The following SH2D4A variants were observed in gnomAD, a reference collection of about 807,000 sequenced individuals.
The protein encoded by SH2D4A is SH2 domain containing 4A, also known as SH2 domain-containing protein 4A.
SH2D4A carries 70 observed loss-of-function variants against 64.7 expected under a neutral mutation model. That is an observed-to-expected ratio of 1.08 (90% CI 0.89 to 1.32). The LOEUF is 1.32. Ranked by LOEUF, SH2D4A falls within the 40% of genes most tolerant of loss-of-function variation. The probability of loss-of-function intolerance (pLI) is 0.00; values close to 1 mark genes in which losing one functional copy is unlikely to be tolerated. For missense variants in SH2D4A, 706 were observed against 540.1 expected, an observed-to-expected ratio of 1.31 and a Z score of -3.04; for synonymous variants, 268 against 200.7, an observed-to-expected ratio of 1.34 and a Z score of -2.83.
intron 4 of SH2D4A, among the ~76,000 whole-genome samples, chr8:19,336,124 A>G (rs985590024): frequency 1.3e-5 from 2 of 152,188 alleles, no homozygotes; most frequent in African/African-American, 4.8e-5. Flanking sequence ...TCACAATAAC[A>G]TGAACTAGAG....
chr8:19,380,157 A>G (rs1563210391), intron 8 of SH2D4A, among the ~76,000 whole-genome samples: 9 of 152,020 alleles, frequency 5.9e-5, no homozygotes. Flanking sequence ...TCATTTGCTT[A>G]TTGGCCATTT....
At chr8:19,343,250 C>G (rs1174889072) in intron 4 of SH2D4A, among the ~76,000 whole-genome samples, 1 of 152,028 alleles carries the variant, frequency 6.6e-6, no homozygotes, top group Non-Finnish European at 1.5e-5. Context: ...CATAGCAAGA[C>G]ACTGTCTCTA....
rs2053531334 is a variant in SH2D4A at position 19,393,463 on chromosome 8, C to T, written c.1194C>T (p.Ala398=). 3 of 1,614,238 alleles carry T rather than the reference C, an allele frequency of 1.9e-6. No individual in the cohort carries two copies. The highest frequency in any genetic ancestry group is 1.7e-6 in the Non-Finnish European group (2 of 1,180,038). The change falls in exon 9 of 10, where the codon GCC becomes GCT. Residue 398 remains alanine (A), a synonymous_variant. Transcript: ENST00000265807. ...GCTGTAAACATTTCCTCATCGATGC[C>T]TCTGCAGACGCCTACAGCTTCCTGG... ...EDGCKHFLID[A]SADAYSFLGV... is the part of the protein sequence containing the mutation.
intron 8 of SH2D4A, among the ~76,000 whole-genome samples, chr8:19,384,438 C>G (rs2053349384): frequency 6.6e-6 from 1 of 152,208 alleles, no homozygotes; most frequent in Non-Finnish European, 1.5e-5. Context: ...TTTATCTCTT[C>G]TTATCCCATT....
At chr8:19,374,361 G>C (rs892384700) in intron 8 of SH2D4A, among the ~76,000 whole-genome samples, 1 of 152,132 alleles carries the variant, frequency 6.6e-6, no homozygotes, top group African/African-American at 2.4e-5. Flanking sequence ...TCTTGCCTTA[G>C]TTGACTTCCA....
At chr8:19,394,497 A>G in intron 9 of SH2D4A, 53 bp from the exon 10 acceptor site, 1 of 1,249,870 alleles carries the variant, frequency 8.0e-7, no homozygotes, top group Non-Finnish European at 1.1e-6. Flanking sequence ...GGAAGTAGGA[A>G]GAGCATGTGG....
chr8:19,314,013 C>A, intron 1 of SH2D4A, 190 bp downstream of exon 1: 1 of 1,144,850 alleles, frequency 8.7e-7, no homozygotes, highest in Non-Finnish European at 1.1e-6. Flanking sequence ...GGTTGGGCGG[C>A]GAGAGCGGCC....
At chr8:19,336,097 A>C (rs1268042670) in intron 4 of SH2D4A, among the ~76,000 whole-genome samples, 1 of 152,176 alleles carries the variant, frequency 6.6e-6, no homozygotes, top group Non-Finnish European at 1.5e-5. Context: ...CACACTGCTG[A>C]GTGTCTCATG....
chr8:19,364,933 T>C (rs939574998), intron 7 of SH2D4A, among the ~76,000 whole-genome samples: 1 of 152,218 alleles, frequency 6.6e-6, no homozygotes, highest in African/African-American at 2.4e-5. Flanking sequence ...AAAAGTGCAA[T>C]GATGCTATTA....
Position 19,313,882 on chromosome 8 carries a change from G to T in SH2D4A, c.-205+59G>T, listed in dbSNP as rs2052038251. Reference sequence around the variant, plus strand: ...GAGTGTGCGTGGGGTGGGAGTAGGGGGAAGGGAATTTCCTCGGAGGTTGCA... The same window carrying T: ...GAGTGTGCGTGGGGTGGGAGTAGGGTGAAGGGAATTTCCTCGGAGGTTGCA... On this transcript the variant is annotated intron_variant, in intron 1 of 9. Coordinates refer to ENST00000265807, the MANE Select transcript of SH2D4A (RefSeq NM_022071.4). 7.2e-6 allele frequency: 10 copies of T among 1,386,410 alleles called. No individual in the cohort carries two copies. The South Asian group carries it at 1.3e-4, about 17-fold the overall frequency. The allele number at this position is 1,386,410 out of a possible 1,614,324, so 85.9% of individuals were successfully genotyped here.
chr8:19,321,199 A>G (rs1302616021), intron 2 of SH2D4A, among the ~76,000 whole-genome samples: 1 of 67,998 alleles, frequency 1.5e-5, no homozygotes, highest in Non-Finnish European at 2.8e-5. Context: ...GACTTAGAGA[A>G]GTTCATTTTT....
At chr8:19,380,687 A>G (rs944997277) in intron 8 of SH2D4A, among the ~76,000 whole-genome samples, 3 of 152,310 alleles carry the variant, frequency 2.0e-5, no homozygotes, top group African/African-American at 4.8e-5. Context: ...GACCATGTCT[A>G]TGCATTTTTA....
At chr8:19,359,279 G>A (rs2052841904) in intron 5 of SH2D4A, among the ~76,000 whole-genome samples, 1 of 152,124 alleles carries the variant, frequency 6.6e-6, no homozygotes, top group Admixed American at 6.5e-5. Flanking sequence ...GCAGATTAAA[G>A]GAGTAGATTT....
intron 2 of SH2D4A, among the ~76,000 whole-genome samples, chr8:19,330,189 C>T (rs566066837): frequency 1.3e-5 from 2 of 152,184 alleles, no homozygotes; most frequent in African/African-American, 4.8e-5. Context: ...GTCATCCCCT[C>T]ATCTGATGTG....
intron 4 of SH2D4A, among the ~76,000 whole-genome samples, chr8:19,352,740 C>A (rs1585171980): frequency 6.6e-6 from 1 of 152,148 alleles, no homozygotes; most frequent in African/African-American, 2.4e-5. Flanking sequence ...GGTGTGGCGG[C>A]TCACACCTAT....
At chr8:19,390,023 T>G (rs1303458526) in intron 8 of SH2D4A, among the ~76,000 whole-genome samples, 1 of 152,208 alleles carries the variant, frequency 6.6e-6, no homozygotes, top group Non-Finnish European at 1.5e-5. Context: ...TGAAGACCCC[T>G]GCTTCAGAAT....
intron 2 of SH2D4A, 73 bp from the exon 3 acceptor site, chr8:19,332,882 G>A: frequency 2.1e-6 from 3 of 1,460,436 alleles, no homozygotes; most frequent in South Asian, 2.6e-5. Flanking sequence ...AAATACTTTA[G>A]TGATGGAAAC....
chr8:19,393,446 C>T lies in SH2D4A; in HGVS notation c.1177C>T (p.His393Tyr), dbSNP rs1211847539. The change falls in exon 9 of 10, where the codon CAT becomes TAT. Residue 393 changes from histidine to tyrosine, a missense_variant. By Grantham distance (83) the His-to-Tyr change is moderately conservative (BLOSUM62 2). Transcript: ENST00000265807. ...LSYLSEDGCK[H>Y]FLIDASADAY... The stretch of plus-strand genomic sequence containing the variant: ...CTATCTGTCGGAGGACGGCTGTAAA[C>T]ATTTCCTCATCGATGCCTCTGCAGA... 2.5e-6 allele frequency: 4 copies of T among 1,614,260 alleles called. No homozygotes were observed. Among genetic ancestry groups the T allele is most frequent in the Non-Finnish European group, 2.5e-6 (3 of 1,180,052 alleles).
At chr8:19,334,462 A>C (rs2052412675) in intron 3 of SH2D4A, among the ~76,000 whole-genome samples, 1 of 152,134 alleles carries the variant, frequency 6.6e-6, no homozygotes, top group South Asian at 2.1e-4. Flanking sequence ...AATTTCTTGG[A>C]GCTCTTATAA....
Sources: gnomAD v4.1 joint callset for allele counts (sites outside exome capture counted in the v4.1 genomes callset) on GRCh38, gnomAD v4.1.1 for gene constraint, MANE v1.5 for transcripts, NCBI Gene and HGNC (gene_info 2026-07-23, HGNC 2026-07-21) for gene names.